The following RANBP2 variants were observed in gnomAD, a reference collection of about 807,000 sequenced individuals.
RANBP2 encodes the protein RAN binding protein 2.
Under a neutral mutation model 303.6 loss-of-function variants are expected in RANBP2, and 57 were observed. The observed-to-expected ratio is 0.19, with a 90% CI of 0.15 to 0.23. The LOEUF (loss-of-function observed/expected upper bound fraction) is 0.23. Ranked by LOEUF, RANBP2 falls within the 10% of genes least tolerant of loss-of-function variation. RANBP2 has a pLI of 1.00. For missense variants in RANBP2, 3,138 were observed against 3,780.8 expected, an observed-to-expected ratio of 0.83 and a Z score of 4.46; for synonymous variants, 1,167 against 1,301.5, an observed-to-expected ratio of 0.90 and a Z score of 2.23.
the RANBP2 span, among the ~76,000 whole-genome samples, chr2:108,917,638 A>G: frequency 1.3e-5 from 2 of 152,116 alleles, no homozygotes; most frequent in Non-Finnish European, 2.9e-5. Flanking sequence ...AAGGTATGCT[A>G]AGACTAGAGG....
the RANBP2 span, among the ~76,000 whole-genome samples, chr2:109,267,206 A>G: frequency 6.6e-6 from 1 of 152,128 alleles, no homozygotes; most frequent in Non-Finnish European, 1.5e-5. Context: ...CATATTTTTT[A>G]GGAATCTCCC....
At chr2:108,973,249 A>G in the RANBP2 span, among the ~76,000 whole-genome samples, 58 of 152,258 alleles carry the variant, frequency 3.8e-4, no homozygotes, top group African/African-American at 1.4e-3. Context: ...CGGCCTCCCA[A>G]AGTTCTGGGA....
chr2:109,017,143 C>A, the RANBP2 span, among the ~76,000 whole-genome samples: 1 of 152,334 alleles, frequency 6.6e-6, no homozygotes, highest in South Asian at 2.1e-4. Context: ...ACAGAGAGGG[C>A]TCTCTCCCTT....
At chr2:108,829,256 A>G in the RANBP2 span, among the ~76,000 whole-genome samples, 1 of 152,210 alleles carries the variant, frequency 6.6e-6, no homozygotes, top group Admixed American at 6.5e-5. Context: ...TACCCACAAT[A>G]TATAAGGAAC....
At chr2:109,729,027 C>G in the RANBP2 span, among the ~76,000 whole-genome samples, 1 of 152,176 alleles carries the variant, frequency 6.6e-6, no homozygotes, top group African/African-American at 2.4e-5. Flanking sequence ...GAGCATTCAG[C>G]TGTTACTAGC....
chr2:109,458,786 T>C, the RANBP2 span, among the ~76,000 whole-genome samples: 1 of 152,242 alleles, frequency 6.6e-6, no homozygotes. Flanking sequence ...CCCACCCACA[T>C]TATCAAGGTA....
the RANBP2 span, among the ~76,000 whole-genome samples, chr2:109,627,559 T>C: frequency 2.0e-5 from 3 of 152,208 alleles, no homozygotes; most frequent in African/African-American, 7.2e-5. Flanking sequence ...TCTGTATATA[T>C]AATGATGATT....
At chr2:108,855,077 C>A in the RANBP2 span, among the ~76,000 whole-genome samples, 2 of 152,034 alleles carry the variant, frequency 1.3e-5, no homozygotes, top group East Asian at 3.9e-4. Context: ...TAAAAAGAAA[C>A]CAACTTTGAT....
At chr2:109,442,726 A>G in the RANBP2 span, among the ~76,000 whole-genome samples, 2 of 152,226 alleles carry the variant, frequency 1.3e-5, no homozygotes, top group South Asian at 4.1e-4. Context: ...GTTACAGCAA[A>G]TAAGCTAAAA....
At chr2:108,954,556 G>A in the RANBP2 span, among the ~76,000 whole-genome samples, 20 of 152,044 alleles carry the variant, frequency 1.3e-4, no homozygotes, top group African/African-American at 4.8e-4. Context: ...CTTAGTCAAC[G>A]CTCATCCCAC....
the RANBP2 span, among the ~76,000 whole-genome samples, chr2:109,743,020 C>T: frequency 6.7e-6 from 1 of 148,332 alleles, no homozygotes; most frequent in African/African-American, 2.6e-5. Context: ...CCTGTAATCC[C>T]AATGCTTTGG....
chr2:109,735,143 C>T, the RANBP2 span, among the ~76,000 whole-genome samples: 32 of 152,224 alleles, frequency 2.1e-4, no homozygotes, highest in African/African-American at 7.7e-4. Context: ...CATTAACTAA[C>T]CTCCCACTAT....
the RANBP2 span, among the ~76,000 whole-genome samples, chr2:109,668,704 T>A: frequency 2.6e-5 from 4 of 152,202 alleles, no homozygotes; most frequent in East Asian, 7.7e-4. Context: ...AAAGATAATT[T>A]GATGACTATA....
the RANBP2 span, among the ~76,000 whole-genome samples, chr2:109,100,446 G>A: frequency 1.1e-4 from 16 of 152,166 alleles, no homozygotes; most frequent in Admixed American, 1.3e-4. Context: ...CCCCATCTCA[G>A]TCCGTGGAAA....
At chr2:108,980,825 C>T in the RANBP2 span, among the ~76,000 whole-genome samples, 1 of 152,242 alleles carries the variant, frequency 6.6e-6, no homozygotes, top group Middle Eastern at 3.4e-3. Context: ...GCCAACCTGG[C>T]ACCATACTCC....
chr2:109,062,068 C>A, the RANBP2 span, among the ~76,000 whole-genome samples: 3 of 152,182 alleles, frequency 2.0e-5, no homozygotes, highest in Non-Finnish European at 4.4e-5. Context: ...GGCAGAATGG[C>A]TGGGCAGGGC....
At chr2:109,638,969 C>T in the RANBP2 span, among the ~76,000 whole-genome samples, 63 of 152,148 alleles carry the variant, frequency 4.1e-4, no homozygotes, top group Non-Finnish European at 8.5e-4. Flanking sequence ...CAAAACAAAG[C>T]CTGCACCCAG....
chr2:109,152,582 A>G, the RANBP2 span, among the ~76,000 whole-genome samples: 1 of 152,236 alleles, frequency 6.6e-6, no homozygotes, highest in South Asian at 2.1e-4. Flanking sequence ...TTTATTATTT[A>G]CATTGTGTAT....
At chr2:109,014,955 A>G in the RANBP2 span, among the ~76,000 whole-genome samples, 1 of 151,894 alleles carries the variant, frequency 6.6e-6, no homozygotes, top group Non-Finnish European at 1.5e-5. Context: ...CCCTATCTCT[A>G]CTAAAAATAC....
Sources: allele counts gnomAD v4.1 joint callset (sites outside exome capture counted in the v4.1 genomes callset), GRCh38; gene constraint gnomAD v4.1.1; transcripts MANE v1.5; gene names NCBI Gene and HGNC (gene_info 2026-07-23, HGNC 2026-07-21).